CBR4: variants seen among roughly 807,000 people sequenced by gnomAD.
The protein encoded by CBR4 is 3-oxoacyl-[acyl-carrier-protein] reductase.
A neutral mutation model predicts 21.0 loss-of-function variants in CBR4; 22 were observed. The ratio of observed to expected loss-of-function variants is 1.05; its 90% CI spans 0.75 to 1.50. The LOEUF is 1.50. Ranked by LOEUF, CBR4 falls within the 40% of genes most tolerant of loss-of-function variation. The pLI is 0.00. For synonymous variants in CBR4, 100 were observed against 104.4 expected (o/e 0.96, Z 0.26); for missense variants, 302 against 286.3 (o/e 1.05, Z -0.40).
chr4:168,946,407 A>G (rs569664581), intron 2 of CBR4, among the ~76,000 whole-genome samples: 4 of 152,234 alleles, frequency 2.6e-5, no homozygotes, highest in East Asian at 3.8e-4. Context: ...TTGCAAAATA[A>G]TACTACAATG....
chr4:168,989,071 G>A lies in CBR4; in HGVS notation c.*1079C>T. The stretch of plus-strand genomic sequence containing the variant: ...AGGCAAATATTCTCACTTAAGACCA[G>A]TGCCTTCACTGCTTCTTGTAAAGAC... On this transcript the variant is annotated 3_prime_UTR_variant, in exon 5 of 5. Coordinates refer to ENST00000306193, the MANE Select transcript of CBR4 (RefSeq NM_032783.5). 1 of 984,782 alleles carries A rather than the reference G, an allele frequency of 1.0e-6. No homozygotes were observed. Among genetic ancestry groups the A allele is most frequent in the Non-Finnish European group, 1.2e-6 (1 of 829,412 alleles). The allele number at this position is 984,782 out of a possible 1,614,324, so 61.0% of individuals were successfully genotyped here.
At chr4:169,005,726 G>A (rs993207270) in intron 3 of CBR4, among the ~76,000 whole-genome samples, 2 of 152,160 alleles carry the variant, frequency 1.3e-5, no homozygotes, top group East Asian at 1.9e-4. Context: ...ATAAGAAAAC[G>A]GATCCCTTAA....
intron 2 of CBR4, among the ~76,000 whole-genome samples, chr4:168,937,223 C>T (rs1180492067): frequency 7.2e-5 from 11 of 152,014 alleles, no homozygotes; most frequent in African/African-American, 1.7e-4. Flanking sequence ...GCTTCATAAG[C>T]GAAGGAGAAA....
Position 168,988,313 on chromosome 4 carries a change from T to C in CBR4, c.*1837A>G. 1 of 984,918 alleles carries C rather than the reference T, an allele frequency of 1.0e-6. No homozygotes were observed. Among genetic ancestry groups the C allele is most frequent in the East Asian group, 1.1e-4 (1 of 8,832 alleles). The allele number at this position is 984,918 out of a possible 1,614,324, so 61.0% of individuals were successfully genotyped here. Reference sequence around the variant, plus strand: ...AGCTTAAAAGGTTATATTTCTTATTTTAAAGTATAAAAACATACACTTAAA... The same window carrying C: ...AGCTTAAAAGGTTATATTTCTTATTCTAAAGTATAAAAACATACACTTAAA... On this transcript the variant is annotated 3_prime_UTR_variant, in exon 5 of 5. Transcript: ENST00000306193.
At chr4:169,009,745 G>A (rs1579040227) in intron 1 of CBR4, among the ~76,000 whole-genome samples, 1 of 152,244 alleles carries the variant, frequency 6.6e-6, no homozygotes, top group African/African-American at 2.4e-5. Flanking sequence ...CAAGCTGCGT[G>A]GCCGGCATTC....
intron 3 of CBR4, among the ~76,000 whole-genome samples, chr4:169,004,968 A>G (rs1316073186): frequency 6.6e-6 from 1 of 152,222 alleles, no homozygotes; most frequent in Non-Finnish European, 1.5e-5. Context: ...TTATGATACA[A>G]AAATTAATCA....
rs563634447 is a variant in CBR4 at position 168,999,009 on chromosome 4, G to A, written c.535+3062C>T. On this transcript the variant is annotated intron_variant, in intron 4 of 4. Transcript: ENST00000306193. ...TCTATTCAAAACACATATTTTTTAAGGTAATACAGCCATTACAGTTTCCAT... is the reference window on the plus strand; with the variant it reads ...TCTATTCAAAACACATATTTTTTAAAGTAATACAGCCATTACAGTTTCCAT... Among the ~76,000 whole-genome samples the A allele has an allele frequency of 6.6e-5, 10 of 151,982 alleles. No homozygotes were observed. The South Asian group carries it at 2.1e-3, about 32-fold the overall frequency.
At chr4:168,896,632 CT>C in intron 2 of CBR4, 2 of 1,254,532 alleles carry the variant, frequency 1.6e-6, no homozygotes, top group South Asian at 1.3e-5. Context: ...TCCTTCCAGT[CT>C]TTCTCTGTGT....
At chr4:168,896,057 A>G (rs1755064126) in intron 2 of CBR4, among the ~76,000 whole-genome samples, 1 of 152,152 alleles carries the variant, frequency 6.6e-6, no homozygotes, top group African/African-American at 2.4e-5. Context: ...TGAAAATACA[A>G]AAATTAGCCG....
rs778156806 is a variant in CBR4 at position 168,898,702 on chromosome 4, T to A, written n.170-3937A>T. ...CTTTCACATGTAGAGTGGCTGGAAA[T>A]CCAAAGCCAAAGGTGAGCTGGGAGA... On this transcript the variant is annotated intron_variant and non_coding_transcript_variant, in intron 2 of 3. Coordinates refer to the CBR4 transcript ENST00000509108. The A allele has an allele frequency of 6.2e-7, 1 of 1,612,552 alleles. No homozygotes were observed. Among genetic ancestry groups the A allele is most frequent in the South Asian group, 1.1e-5 (1 of 91,038 alleles).
In CBR4 at chr4:168,988,045, A is replaced by G. The variant is rs1764752515; in HGVS notation, c.*2105T>C. Reference sequence around the variant, plus strand: ...AGTCTTCTTGTTAAGAATTCATTCAATGCTTCTCAGAATAGCAGATTTTAA... The same window carrying G: ...AGTCTTCTTGTTAAGAATTCATTCAGTGCTTCTCAGAATAGCAGATTTTAA... On this transcript the variant is annotated 3_prime_UTR_variant, in exon 5 of 5. Coordinates refer to ENST00000306193, the MANE Select transcript of CBR4 (RefSeq NM_032783.5). 1.0e-6 allele frequency: 1 copy of G among 985,252 alleles called. No individual in the cohort carries two copies. Among genetic ancestry groups the G allele is most frequent in the Non-Finnish European group, 1.2e-6 (1 of 829,730 alleles). The allele number at this position is 985,252 out of a possible 1,614,324, so 61.0% of individuals were successfully genotyped here.
chr4:168,957,885 G>A (rs1215708621), intron 2 of CBR4, among the ~76,000 whole-genome samples: 1 of 152,090 alleles, frequency 6.6e-6, no homozygotes, highest in African/African-American at 2.4e-5. Flanking sequence ...CACGAGATCT[G>A]ATGGTTTTAT....
At position 168,988,608 on chromosome 4, in the gene CBR4, G is replaced by C; in HGVS notation, c.*1542C>G. The C allele has an allele frequency of 1.0e-6, 1 of 985,386 alleles. No individual in the cohort carries two copies. Among genetic ancestry groups the C allele is most frequent in the Non-Finnish European group, 1.2e-6 (1 of 829,906 alleles). 61.0% of individuals were successfully genotyped at this position (985,386 alleles called of 1,614,324 possible). ...CTACATTGAAACCATTCTGAGTGCT[G>C]CATTTCCTATATGTGCCTAGACTTG... On this transcript the variant is annotated 3_prime_UTR_variant, in exon 5 of 5. Coordinates refer to ENST00000306193, the MANE Select transcript of CBR4 (RefSeq NM_032783.5).
chr4:168,895,700 G>A (rs954737310), intron 2 of CBR4, among the ~76,000 whole-genome samples: 1 of 152,144 alleles, frequency 6.6e-6, no homozygotes, highest in African/African-American at 2.4e-5. Flanking sequence ...TTATCTCAGG[G>A]GTTGCAGAAG....
At chr4:168,999,145 A>G (rs1730190387) in intron 4 of CBR4, among the ~76,000 whole-genome samples, 1 of 152,162 alleles carries the variant, frequency 6.6e-6, no homozygotes, top group Non-Finnish European at 1.5e-5. Context: ...TTGATCTTTA[A>G]AAAGTCAACA....
At chr4:168,929,140 TGAG>T (rs2126646874) in intron 2 of CBR4, among the ~76,000 whole-genome samples, 1 of 151,842 alleles carries the variant, frequency 6.6e-6, no homozygotes, top group East Asian at 1.9e-4. Context: ...AAATTAAAAG[TGAG>T]GGGAAAAGGA....
intron 2 of CBR4, among the ~76,000 whole-genome samples, chr4:168,904,497 A>G (rs868502324): frequency 6.6e-6 from 1 of 152,210 alleles, no homozygotes; most frequent in African/African-American, 2.4e-5. Flanking sequence ...GCTGCTGGGT[A>G]TCATGTTGCC....
At chr4:168,954,380 T>C (rs1177642625) in intron 2 of CBR4, among the ~76,000 whole-genome samples, 2 of 152,196 alleles carry the variant, frequency 1.3e-5, no homozygotes, top group African/African-American at 4.8e-5. Context: ...ATTTGCTTCA[T>C]GGTTCTGAAG....
intron 2 of CBR4, among the ~76,000 whole-genome samples, chr4:168,967,013 T>TAA (rs59484681): frequency 0.033 from 4,684 of 143,760 alleles, 213 homozygotes; most frequent in East Asian, 0.24. Flanking sequence ...AAACTCCATC[T>TAA]AAAAAAAAAA....
Sources: allele counts gnomAD v4.1 joint callset (sites outside exome capture counted in the v4.1 genomes callset), GRCh38; gene constraint gnomAD v4.1.1; transcripts MANE v1.5; gene names NCBI Gene and HGNC (gene_info 2026-07-23, HGNC 2026-07-21).